Variants in PPFIA3 observed in about 807,000 individuals in gnomAD.
PPFIA3 encodes PPFI scaffold protein A3.
Under a neutral mutation model 145.8 loss-of-function variants are expected in PPFIA3, and 26 were observed. The observed-to-expected ratio is 0.18, with a 90% CI of 0.13 to 0.25. PPFIA3 has a LOEUF of 0.25. PPFIA3 is among the 10% of genes least tolerant of loss of function. PPFIA3 has a pLI of 1.00. For synonymous variants in PPFIA3, 645 were observed against 661.4 expected, an observed-to-expected ratio of 0.98 and a Z score of 0.38; for missense variants, 1,008 against 1,587.8, an observed-to-expected ratio of 0.63 and a Z score of 6.21.
rs1600357354 is a variant in PPFIA3, at chr19:49,149,991, A to T, written c.3527-89A>T. 1 of 1,437,398 alleles carries T rather than the reference A, an allele frequency of 7.0e-7. No homozygotes were observed. Among genetic ancestry groups the T allele is most frequent in the South Asian group, 1.2e-5 (1 of 80,220 alleles). 89.0% of individuals were successfully genotyped at this position (1,437,398 alleles called of 1,614,324 possible). ...TGTGGAGCCCGGCGATCGTTGTGAC[A>T]TCGGGAAGGGAAGTCCAAAGGGAGG... On this transcript the variant is annotated intron_variant, in intron 28 of 29. Transcript: ENST00000334186. The surrounding 1 kb of genome is among the most constrained non-coding windows in gnomAD (Gnocchi z 5.7).
At chr19:49,127,065 G>A (rs1253682291) in intron 1 of PPFIA3, among the ~76,000 whole-genome samples, 3 of 126,984 alleles carry the variant, frequency 2.4e-5, no homozygotes, top group Non-Finnish European at 4.8e-5. Context: ...GTCCAGGAGT[G>A]AGACCTCATC....
chr19:49,128,844 G>C lies in PPFIA3; in HGVS notation c.343-4G>C. 1 of 1,589,246 alleles carries C rather than the reference G, an allele frequency of 6.3e-7. No individual in the cohort carries two copies. The stretch of plus-strand genomic sequence containing the variant: ...TTCCTTGACCCCATGCCGTGTGCTT[G>C]CAGCTGCTCCTGGAACACCTGGAGT... On this transcript the variant is annotated splice_polypyrimidine_tract_variant and splice_region_variant and intron_variant, in intron 3 of 29. Coordinates refer to ENST00000334186, the MANE Select transcript of PPFIA3 (RefSeq NM_003660.4). The surrounding 1 kb of genome is among the most constrained non-coding windows in gnomAD (Gnocchi z 4.1).
intron 23 of PPFIA3, among the ~76,000 whole-genome samples, chr19:49,146,954 C>CA (rs1226285362): frequency 1.3e-5 from 2 of 151,878 alleles, no homozygotes; most frequent in African/African-American, 2.4e-5. Flanking sequence ...AATAAACTAA[C>CA]AAAAAAACCC....
Position 49,133,923 on chromosome 19 carries a change from G to A in PPFIA3, c.1245+44G>A. 6.2e-7 allele frequency: 1 copy of A among 1,611,248 alleles called. No individual in the cohort carries two copies. Among genetic ancestry groups the A allele is most frequent in the Non-Finnish European group, 8.5e-7 (1 of 1,178,900 alleles). On this transcript the variant is annotated intron_variant, in intron 10 of 29. Transcript: ENST00000334186. This position sits in a 1 kb window ranked among gnomAD's most constrained non-coding sequence, Gnocchi z 7.2. ...GCACAGAGGGTGGGGCTTCGAGGCTGGGGCGGAGCTTAATAAGGAGGCTGG... is the reference window on the plus strand; with the variant it reads ...GCACAGAGGGTGGGGCTTCGAGGCTAGGGCGGAGCTTAATAAGGAGGCTGG...
chr19:49,122,047 A>G (rs2040942084), intron 1 of PPFIA3, among the ~76,000 whole-genome samples: 1 of 149,510 alleles, frequency 6.7e-6, no homozygotes, highest in Non-Finnish European at 1.5e-5. Context: ...TTTTCATTCC[A>G]GGCATGGTCT....
At chr19:49,135,256 G>A (rs1373894414) in intron 13 of PPFIA3, among the ~76,000 whole-genome samples, 4 of 152,232 alleles carry the variant, frequency 2.6e-5, no homozygotes, top group Admixed American at 6.5e-5. Context: ...TGGCCAGGCT[G>A]GTCTGGAACC....
chr19:49,128,281 G>A lies in PPFIA3; in HGVS notation c.241-86G>A. The A allele has an allele frequency of 6.5e-7, 1 of 1,536,636 alleles. No individual in the cohort carries two copies. The highest frequency in any genetic ancestry group is 2.3e-5 in the East Asian group (1 of 44,214). ...ACAGCGGGACTTAGCAGGGAGGGCG[G>A]GACCTTCAAACTTCCAGTCCCAGTG... On this transcript the variant is annotated intron_variant, in intron 2 of 29. Coordinates refer to ENST00000334186, the MANE Select transcript of PPFIA3 (RefSeq NM_003660.4). This position sits in a 1 kb window ranked among gnomAD's most constrained non-coding sequence, Gnocchi z 4.1.
intron 19 of PPFIA3, among the ~76,000 whole-genome samples, chr19:49,141,805 GTTTC>G (rs1026798206): frequency 6.7e-6 from 1 of 150,098 alleles, no homozygotes; most frequent in African/African-American, 2.5e-5. Context: ...TATATTTTTT[GTTTC>G]TTTTGTTTTT....
At chr19:49,142,195 C>A in intron 20 of PPFIA3, 80 bp downstream of exon 20, 1 of 1,314,176 alleles carries the variant, frequency 7.6e-7, no homozygotes, top group South Asian at 1.3e-5. Flanking sequence ...CCTGGTCCTC[C>A]TGGCGCACCC....
intron 11 of PPFIA3, 97 bp downstream of exon 11, chr19:49,134,262 G>C: frequency 6.8e-7 from 1 of 1,481,478 alleles, no homozygotes; most frequent in Non-Finnish European, 9.1e-7. Flanking sequence ...TCTGTTATCG[G>C]AGGCCTCCCT....
At position 49,133,462 on chromosome 19, in the gene PPFIA3, G is replaced by A. The variant is rs934614340; in HGVS notation, c.1161+91G>A. The A allele has an allele frequency of 2.8e-6, 4 of 1,411,350 alleles. No individual in the cohort carries two copies. The highest frequency in any genetic ancestry group is 1.4e-5 in the South Asian group (1 of 69,448). 87.4% of individuals were successfully genotyped at this position (1,411,350 alleles called of 1,614,324 possible). On this transcript the variant is annotated intron_variant, in intron 9 of 29. Transcript: ENST00000334186. This position sits in a 1 kb window ranked among gnomAD's most constrained non-coding sequence, Gnocchi z 7.2. ...GTGAATCTGGAGGGGTAGGAGCGAG[G>A]TCAGAACCCCGGATTTGGGGGAAAG...
chr19:49,125,873 G>C (rs2040990482), intron 1 of PPFIA3, among the ~76,000 whole-genome samples: 1 of 152,134 alleles, frequency 6.6e-6, no homozygotes. Flanking sequence ...TTGGACTTCT[G>C]GGTCGTGAAG....
Position 49,130,315 on chromosome 19 carries a change from T to C in PPFIA3, c.658-63T>C. Reference sequence around the variant, plus strand: ...TACTTTCAGCTGATTGACTTTCTCCTTGGATTTCCTCTGTGTCTCCGGAGA... The same window carrying C: ...TACTTTCAGCTGATTGACTTTCTCCCTGGATTTCCTCTGTGTCTCCGGAGA... On this transcript the variant is annotated intron_variant, in intron 6 of 29. Coordinates refer to ENST00000334186, the MANE Select transcript of PPFIA3 (RefSeq NM_003660.4). The surrounding 1 kb of genome is among the most constrained non-coding windows in gnomAD (Gnocchi z 4.5). The C allele has an allele frequency of 7.0e-7, 1 of 1,436,740 alleles. No individual in the cohort carries two copies. Among genetic ancestry groups the C allele is most frequent in the Non-Finnish European group, 9.4e-7 (1 of 1,059,652 alleles). The allele number at this position is 1,436,740 out of a possible 1,614,324, so 89.0% of individuals were successfully genotyped here. A position where few individuals can be genotyped will look rare whatever the true frequency, so the allele number is the denominator to read the frequency against.
chr19:49,128,161 G>A lies in PPFIA3; in HGVS notation c.240+48G>A, dbSNP rs1006991425. 7 of 1,473,680 alleles carry A rather than the reference G, an allele frequency of 4.8e-6. No individual in the cohort carries two copies. Among genetic ancestry groups the A allele is most frequent in the African/African-American group, 2.8e-5 (2 of 71,532 alleles). The allele number at this position is 1,473,680 out of a possible 1,614,324, so 91.3% of individuals were successfully genotyped here. A position where few individuals can be genotyped will look rare whatever the true frequency, so the allele number is the denominator to read the frequency against. ...GCATGAGGGGGCGGGGCCTCGGGGG[G>A]AAGAAGGCGGTCCGGAAGGGGCCGG... On this transcript the variant is annotated intron_variant, in intron 2 of 29. Transcript: ENST00000334186. This position sits in a 1 kb window ranked among gnomAD's most constrained non-coding sequence, Gnocchi z 4.1.
At chr19:49,138,577 A>G in intron 16 of PPFIA3, 150 bp downstream of exon 16, 1 of 561,058 alleles carries the variant, frequency 1.8e-6, no homozygotes, top group Admixed American at 4.0e-5. Flanking sequence ...CAAAGGGCAA[A>G]GGGGAGGCTG....
Position 49,149,918 on chromosome 19 carries a change from C to A in PPFIA3, c.3527-162C>A. On this transcript the variant is annotated intron_variant, in intron 28 of 29. Transcript: ENST00000334186. The surrounding 1 kb of genome is among the most constrained non-coding windows in gnomAD (Gnocchi z 5.7). ...CCTTCCCAGGGCGGGAGTGAACTCG[C>A]CCAATGCGAGTTTGAGTCCTTGGCT... The A allele has an allele frequency of 8.8e-7, 1 of 1,133,432 alleles. No homozygotes were observed. The allele number at this position is 1,133,432 out of a possible 1,614,324, so 70.2% of individuals were successfully genotyped here. A position where few individuals can be genotyped will look rare whatever the true frequency, so the allele number is the denominator to read the frequency against.
intron 21 of PPFIA3, among the ~76,000 whole-genome samples, chr19:49,143,215 G>C (rs2041244601): frequency 6.6e-6 from 1 of 152,050 alleles, no homozygotes; most frequent in Non-Finnish European, 1.5e-5. Context: ...CTCCTTCCCT[G>C]ACTCTCTCCC....
In PPFIA3 at chr19:49,130,633, C is replaced by G; in HGVS notation, c.879+34C>G. 1 of 1,522,276 alleles carries G rather than the reference C, an allele frequency of 6.6e-7. No homozygotes were observed. The highest frequency in any genetic ancestry group is 2.3e-4 in the Middle Eastern group (1 of 4,294). The allele number at this position is 1,522,276 out of a possible 1,614,324, so 94.3% of individuals were successfully genotyped here. A position where few individuals can be genotyped will look rare whatever the true frequency, so the allele number is the denominator to read the frequency against. On this transcript the variant is annotated intron_variant, in intron 7 of 29. Coordinates refer to ENST00000334186, the MANE Select transcript of PPFIA3 (RefSeq NM_003660.4). This position sits in a 1 kb window ranked among gnomAD's most constrained non-coding sequence, Gnocchi z 4.5. Reference sequence around the variant, plus strand: ...CCCAGGGAGGCGGGCTGCCCTGGGTCCCTCGCCTTTCCGTAGAGCTCTCCC... The same window carrying G: ...CCCAGGGAGGCGGGCTGCCCTGGGTGCCTCGCCTTTCCGTAGAGCTCTCCC...
chr19:49,129,949 G>A (rs756994702), intron 5 of PPFIA3, 44 bp from the exon 6 acceptor site: 3 of 1,598,108 alleles, frequency 1.9e-6, no homozygotes, highest in Admixed American at 3.4e-5. Context: ...AGAGCTGGGG[G>A]TTCAGGGAGC....
Sources: allele counts gnomAD v4.1 joint callset (sites outside exome capture counted in the v4.1 genomes callset), GRCh38; gene constraint gnomAD v4.1.1; non-coding constraint Gnocchi (gnomAD v3.1); transcripts MANE v1.5; gene names NCBI Gene and HGNC (gene_info 2026-07-23, HGNC 2026-07-21).